Variants in NEB observed in about 807,000 individuals in gnomAD.
NEB encodes the protein nebulin, also known as nemaline myopathy type 2.
A neutral mutation model predicts 952.2 loss-of-function variants in NEB; 512 were observed. That is an observed-to-expected ratio of 0.54 (90% confidence interval 0.50 to 0.58). The LOEUF (loss-of-function observed/expected upper bound fraction) is 0.58. Ranked by LOEUF, NEB falls within the 20% of genes least tolerant of loss-of-function variation. NEB has a pLI of 0.00. For synonymous variants in NEB, 2,900 were observed against 3,149.8 expected, an observed-to-expected ratio of 0.92 and a Z score of 2.66; for missense variants, 8,428 against 9,231.1, an observed-to-expected ratio of 0.91 and a Z score of 3.56.
At chr2:151,613,994 T>C (rs1013536295) in intron 77 of NEB, among the ~76,000 whole-genome samples, 2 of 152,238 alleles carry the variant, frequency 1.3e-5, no homozygotes, top group Non-Finnish European at 2.9e-5. Flanking sequence ...AAAGTATTTA[T>C]GCTCATCACT....
At chr2:151,513,846 G>C (rs1445182189) in intron 159 of NEB, among the ~76,000 whole-genome samples, 153 bp from the exon 160 acceptor site, 1 of 152,208 alleles carries the variant, frequency 6.6e-6, no homozygotes, top group Admixed American at 6.5e-5. Flanking sequence ...CCGTGTGGTA[G>C]GATGAAGTGG....
In NEB at chr2:151,692,345, G is replaced by C; in HGVS notation, c.1914C>G (p.Asn638Lys). 2 of 1,608,452 alleles carry C rather than the reference G, an allele frequency of 1.2e-6. No individual in the cohort carries two copies. The highest frequency in any genetic ancestry group is 1.7e-6 in the Non-Finnish European group (2 of 1,175,792). The stretch of plus-strand genomic sequence containing the variant: ...TACTCTTTGCCTTTGTCTTCTCATA[G>C]TTTTCCTTGTATAATCTCTGTTAAA... ...KNQSDRLYKE[N>K]YEKTKAKSMN... The change falls in exon 21 of 182, where the codon AAC (asparagine) becomes AAG (lysine). Residue 638 changes from asparagine to lysine, a missense_variant. By Grantham distance (94) the Asn-to-Lys change is moderately conservative. Coordinates refer to ENST00000397345, the MANE Select transcript of NEB (RefSeq NM_001164508.2).
At chr2:151,640,269 G>A (rs2098830558) in intron 61 of NEB, 86 bp downstream of exon 61, 3 of 1,557,832 alleles carry the variant, frequency 1.9e-6, no homozygotes, top group Non-Finnish European at 2.6e-6. Context: ...AGGGGCTGGT[G>A]AGCTTGTGCC....
At chr2:151,515,077 G>T in intron 157 of NEB, 149 bp from the exon 158 acceptor site, 1 of 617,782 alleles carries the variant, frequency 1.6e-6, no homozygotes, top group Non-Finnish European at 2.8e-6. Context: ...AAACATGTAT[G>T]ATTGTACTTG....
Position 151,511,874 on chromosome 2 carries a change from C to T in NEB, c.23346+859G>A, listed in dbSNP as rs182574133. 4.1e-4 allele frequency among the ~76,000 whole-genome samples: 63 copies of T among 152,180 alleles called. 1 individual carries two copies. The highest frequency in any genetic ancestry group is 1.4e-3 in the African/African-American group (57 of 41,504). ...GGCTACTTTGTTTCTTCCAGATCTGCGCACACATTTTTAAAGCCACATCAT... is the reference window on the plus strand; with the variant it reads ...GGCTACTTTGTTTCTTCCAGATCTGTGCACACATTTTTAAAGCCACATCAT... On this transcript the variant is annotated intron_variant, in intron 161 of 181. Transcript: ENST00000397345.
At chr2:151,551,900 C>T in intron 128 of NEB, 55 bp from the exon 129 acceptor site, 2 of 1,299,614 alleles carry the variant, frequency 1.5e-6, no homozygotes, top group Non-Finnish European at 2.2e-6. Context: ...CCAGGTTCCT[C>T]TTTAAAAAAA....
At chr2:151,628,392 A>G (rs2098572259) in intron 68 of NEB, among the ~76,000 whole-genome samples, 3 of 152,166 alleles carry the variant, frequency 2.0e-5, no homozygotes, top group Admixed American at 6.5e-5. Flanking sequence ...TTGGAGATCA[A>G]ATTTGACTGA....
intron 54 of NEB, among the ~76,000 whole-genome samples, chr2:151,647,714 TC>T (rs2098978644): frequency 6.6e-6 from 1 of 152,176 alleles, no homozygotes; most frequent in Non-Finnish European, 1.5e-5. Context: ...TGACCTATGT[TC>T]TTTACGAATG....
Position 151,552,665 on chromosome 2 carries a change from C to T in NEB, c.19836+7G>A. The T allele has an allele frequency of 7.5e-6, 12 of 1,602,306 alleles. No homozygotes were observed. Among genetic ancestry groups the T allele is most frequent in the Non-Finnish European group, 1.0e-5 (12 of 1,170,338 alleles). The stretch of plus-strand genomic sequence containing the variant: ...CTGTCCACTTAACTTCCCCAGTGAT[C>T]ACTTACGTCACTTAGCTGTTTCCCA... On this transcript the variant is annotated splice_region_variant and intron_variant, in intron 128 of 181. Coordinates refer to ENST00000397345, the MANE Select transcript of NEB (RefSeq NM_001164508.2).
chr2:151,520,199 A>C (rs1190978544), intron 153 of NEB, among the ~76,000 whole-genome samples: 1 of 152,206 alleles, frequency 6.6e-6, no homozygotes, highest in African/African-American at 2.4e-5. Flanking sequence ...AGGTTGAAAA[A>C]TAAAGAATCT....
Position 151,493,798 on chromosome 2 carries a change from G to T in NEB, c.24649C>A (p.Arg8217Ser). The T allele has an allele frequency of 1.3e-6, 2 of 1,583,250 alleles. No individual in the cohort carries two copies. The highest frequency in any genetic ancestry group is 1.7e-6 in the Non-Finnish European group (2 of 1,162,456). Residue 8217 changes from arginine to serine, a missense_variant, in exon 175 of 182, where the codon CGC becomes AGC. Arg to Ser is a moderately radical substitution (Grantham distance 110). Around this residue, in one of 11 missense-constraint regions of NEB, gnomAD observed 3,374 missense variants for 3,651.5 expected, o/e 0.92. Transcript: ENST00000397345. ...ACCGAGCTAAAGTTTTCTTGATTGC[G>T]TTTCACTCTTTCCATCTCAGGAGTA... ...PFTPEMERVKRNQENFSSVLY... is the reference protein window; with the variant it reads ...PFTPEMERVKSNQENFSSVLY...
chr2:151,559,168 C>T (rs866534581), intron 124 of NEB, among the ~76,000 whole-genome samples: 9 of 152,112 alleles, frequency 5.9e-5, no homozygotes, highest in East Asian at 1.9e-4. Flanking sequence ...GACATTTATG[C>T]GGCCAACAAA....
rs372326115 is a variant in NEB at position 151,533,538 on chromosome 2, A to G, written c.21321T>C (p.Tyr7107=). 44 of 1,549,308 alleles carry G rather than the reference A, an allele frequency of 2.8e-5. No homozygotes were observed. Among genetic ancestry groups the G allele is most frequent in the African/African-American group, 1.5e-4 (11 of 73,038 alleles). Residue 7107 remains tyrosine (Y), a synonymous_variant, in exon 143 of 182, where the codon TAT becomes TAC. Coordinates refer to ENST00000397345, the MANE Select transcript of NEB (RefSeq NM_001164508.2). ...YATQLMNERK[Y]KSSAKMFLQH... ...GCAGAAACATCTTGGCACTAGATTT[A>G]TATTTTCTCTGTCCATGCAAAGAGC...
intron 107 of NEB, among the ~76,000 whole-genome samples, chr2:151,573,019 A>AC (rs2096698569): frequency 1.3e-5 from 2 of 152,236 alleles, no homozygotes; most frequent in African/African-American, 4.8e-5. Flanking sequence ...TGTAGTGAGC[A>AC]TGAAGATTAC....
chr2:151,653,319 A>C (rs937161993), intron 52 of NEB, among the ~76,000 whole-genome samples: 31 of 152,256 alleles, frequency 2.0e-4, no homozygotes, highest in African/African-American at 7.5e-4. Context: ...CTTGTAAAAA[A>C]TTAACCAATA....
At chr2:151,663,963 A>AG in intron 44 of NEB, 104 bp from the exon 45 acceptor site, 3 of 1,176,386 alleles carry the variant, frequency 2.6e-6, no homozygotes, top group Non-Finnish European at 3.5e-6. Flanking sequence ...TTTTAGAGCT[A>AG]CTCTAAAATT....
rs201719702 is a variant in NEB at position 151,612,363 on chromosome 2, C to T, written c.11628G>A (p.Trp3876Ter). Residue 3876 changes from tryptophan to a stop codon, truncating the protein, a stop_gained, in exon 78 of 182, where the codon TGG becomes TGA. Transcript: ENST00000397345. LOFTEE classifies it high-confidence loss of function. ...SDAIYKSDLE[W>*]LRGIGWVPIG... ...TGGGAACCCATCCTATGCCTCTCAG[C>T]CACTCAAGATCAGATTTGTAAATAG... The T allele has an allele frequency of 1.9e-6, 3 of 1,613,748 alleles. No homozygotes were observed. Among genetic ancestry groups the T allele is most frequent in the Admixed American group, 1.7e-5 (1 of 60,006 alleles).
chr2:151,732,327 G>A (rs2099810976), intron 3 of NEB, among the ~76,000 whole-genome samples: 1 of 152,062 alleles, frequency 6.6e-6, no homozygotes, highest in Non-Finnish European at 1.5e-5. Context: ...AAGAGCCGGT[G>A]AGGAAAAACC....
intron 124 of NEB, among the ~76,000 whole-genome samples, chr2:151,555,603 A>C (rs987008623): frequency 7.9e-5 from 12 of 152,206 alleles, no homozygotes; most frequent in African/African-American, 2.4e-4. Flanking sequence ...TTAGTGTTCC[A>C]TGATTATATA....
Sources: gnomAD v4.1 joint callset for allele counts (sites outside exome capture counted in the v4.1 genomes callset) on GRCh38, gnomAD v4.1.1 for gene constraint, gnomAD v4.1.1 regional missense constraint, MANE v1.5 for transcripts, NCBI Gene and HGNC (gene_info 2026-07-23, HGNC 2026-07-21) for gene names.